SDK2: variants seen among roughly 807,000 people sequenced by gnomAD.
SDK2 encodes protein sidekick-2.
SDK2 carries 105 observed loss-of-function variants against 253.9 expected under a neutral mutation model. That is an observed-to-expected ratio of 0.41 (90% CI 0.35 to 0.49). SDK2 has a LOEUF of 0.49. Ranked by LOEUF, SDK2 falls within the 20% of genes least tolerant of loss-of-function variation. SDK2 has a pLI of 0.06. For synonymous variants in SDK2, 1,249 were observed against 1,234.9 expected, an observed-to-expected ratio of 1.01 and a Z score of -0.24; for missense variants, 2,608 against 3,003.0, an observed-to-expected ratio of 0.87 and a Z score of 3.07.
chr17:73,546,065 A>G (rs1599667048), intron 1 of SDK2, among the ~76,000 whole-genome samples: 1 of 137,782 alleles, frequency 7.3e-6, no homozygotes, highest in African/African-American at 2.8e-5. Context: ...GACACCAGAA[A>G]GGCTTTTCAG....
intron 1 of SDK2, among the ~76,000 whole-genome samples, chr17:73,571,070 G>GT (rs35554138): frequency 0.024 from 3,597 of 147,002 alleles, 55 homozygotes; most frequent in Middle Eastern, 0.066. Context: ...GGTGGCTCGG[G>GT]TTTTTTTTTT....
At chr17:73,463,798 T>C (rs2063579857) in intron 3 of SDK2, among the ~76,000 whole-genome samples, 1 of 152,214 alleles carries the variant, frequency 6.6e-6, no homozygotes, top group African/African-American at 2.4e-5. Context: ...TGGATCACGC[T>C]TCATTTGTTT....
chr17:73,474,404 C>G (rs947962967), intron 2 of SDK2, among the ~76,000 whole-genome samples: 1 of 152,210 alleles, frequency 6.6e-6, no homozygotes, highest in African/African-American at 2.4e-5. Flanking sequence ...CTTTCAGACT[C>G]CAAGCCTGGC....
chr17:73,472,342 T>G, intron 2 of SDK2, 124 bp from the exon 3 acceptor site: 1 of 648,270 alleles, frequency 1.5e-6, no homozygotes, highest in South Asian at 1.8e-5. Flanking sequence ...ACCAGGGAAC[T>G]CTTGACTCTC....
intron 36 of SDK2, chr17:73,369,126 G>C (rs1389224565): frequency 2.1e-6 from 1 of 470,836 alleles, no homozygotes; most frequent in Non-Finnish European, 4.4e-6. Flanking sequence ...TGGCCCCCAA[G>C]TGTCTGTGTT....
chr17:73,411,984 A>G (rs1251919988), intron 18 of SDK2, among the ~76,000 whole-genome samples: 1 of 12,702 alleles, frequency 7.9e-5, no homozygotes, highest in South Asian at 1.8e-3. Context: ...ATATATATCT[A>G]CGTATATATA....
chr17:73,590,872 C>T (rs932175441), intron 1 of SDK2, among the ~76,000 whole-genome samples: 1 of 152,182 alleles, frequency 6.6e-6, no homozygotes, highest in Admixed American at 6.5e-5. Context: ...TGTAGGAAGG[C>T]GGACATCTTA....
In SDK2 at chr17:73,348,772, C is replaced by T. The variant is rs139759419; in HGVS notation, c.6039-47G>A. 1.1e-4 allele frequency: 169 copies of T among 1,574,266 alleles called. No individual in the cohort carries two copies. The African/African-American group carries it at 1.4e-3, about 13-fold the overall frequency. On this transcript the variant is annotated intron_variant, in intron 43 of 44. Coordinates refer to ENST00000392650, the MANE Select transcript of SDK2 (RefSeq NM_001144952.2). ...GGCCGAGAGGTGCACTCACTCAGAG[C>T]GGCCTCCCCTGGCCTAGGGAGACCA...
In SDK2 at chr17:73,379,287, T is replaced by C. The variant is rs1378409068; in HGVS notation, c.4870A>G (p.Thr1624Ala). 1.3e-6 allele frequency: 2 copies of C among 1,509,464 alleles called. No individual in the cohort carries two copies. The highest frequency in any genetic ancestry group is 1.4e-5 in the African/African-American group (1 of 70,952). 93.5% of individuals were successfully genotyped at this position (1,509,464 alleles called of 1,614,324 possible). A position where few individuals can be genotyped will look rare whatever the true frequency, so the allele number is the denominator to read the frequency against. Reference sequence around the variant, plus strand: ...ACGACCACGTTACGAGGTGCTGCTGTGGGCACTGGAGGGCGTGCAGGGTAG... The same window carrying C: ...ACGACCACGTTACGAGGTGCTGCTGCGGGCACTGGAGGGCGTGCAGGGTAG... ...QEVFVGEAVP[T>A]AAPRNVVVHG... The change falls in exon 36 of 45, where the codon ACA (threonine) becomes GCA (alanine). Residue 1624 changes from threonine (T) to alanine (A), a missense_variant. Coordinates refer to ENST00000392650, the MANE Select transcript of SDK2 (RefSeq NM_001144952.2). The surrounding 1 kb of genome is among the most constrained non-coding windows in gnomAD (Gnocchi z 4.5).
chr17:73,638,760 A>C (rs892761612), intron 1 of SDK2, among the ~76,000 whole-genome samples: 10 of 151,876 alleles, frequency 6.6e-5, no homozygotes, highest in Non-Finnish European at 1.5e-4. Context: ...TGATCTGGAC[A>C]ATCTCATTTG....
intron 4 of SDK2, among the ~76,000 whole-genome samples, chr17:73,453,389 T>C (rs2063502430): frequency 6.6e-6 from 1 of 151,774 alleles, no homozygotes; most frequent in African/African-American, 2.4e-5. Context: ...TTTTTTCTTT[T>C]TTTTTGAGAT....
In SDK2 at chr17:73,425,198, C is replaced by T. The variant is rs145483594; in HGVS notation, c.1584-1106G>A. The stretch of plus-strand genomic sequence containing the variant: ...TGGTGCCACTGCACTCCAGCCTGGG[C>T]GACACAGCAAAACTCCATCTCAAAA... On this transcript the variant is annotated intron_variant, in intron 12 of 44. Transcript: ENST00000392650. 4.9e-3 allele frequency among the ~76,000 whole-genome samples: 750 copies of T among 151,920 alleles called. 3 individuals are homozygous for T. The highest frequency in any genetic ancestry group is 0.011 in the African/African-American group (449 of 41,430).
At chr17:73,563,262 T>G (rs2145854890) in intron 1 of SDK2, among the ~76,000 whole-genome samples, 1 of 152,308 alleles carries the variant, frequency 6.6e-6, no homozygotes, top group Middle Eastern at 3.4e-3. Flanking sequence ...CTCAAATATC[T>G]TAGGGAATTC....
At chr17:73,442,052 A>G (rs1322003033) in intron 5 of SDK2, among the ~76,000 whole-genome samples, 2 of 152,266 alleles carry the variant, frequency 1.3e-5, no homozygotes, top group African/African-American at 4.8e-5. Flanking sequence ...ATGAAATGAA[A>G]GAGTTAAGGA....
chr17:73,557,887 C>G (rs940232008), intron 1 of SDK2, among the ~76,000 whole-genome samples: 1 of 152,174 alleles, frequency 6.6e-6, no homozygotes, highest in Non-Finnish European at 1.5e-5. Context: ...GGTAGTGATA[C>G]GATGGGCACC....
Position 73,352,597 on chromosome 17 carries a change from C to T in SDK2, c.5634G>A (p.Lys1878=). ...TGCTGAACGTGTAGGAGCTCACCTC[C>T]TTGGGGATGTCTTTGATGAGGATGT... is the stretch of plus-strand genomic sequence containing the variant. ...LWDILIKDIP[K]EVSSYTFSMD... The change falls in exon 41 of 45, where the codon AAG becomes AAA. Residue 1878 remains lysine, a synonymous_variant. Transcript: ENST00000392650. This position sits in a 1 kb window ranked among gnomAD's most constrained non-coding sequence, Gnocchi z 4.1. The T allele has an allele frequency of 6.2e-7, 1 of 1,613,980 alleles. No individual in the cohort carries two copies. Among genetic ancestry groups the T allele is most frequent in the Non-Finnish European group, 8.5e-7 (1 of 1,179,864 alleles).
intron 1 of SDK2, among the ~76,000 whole-genome samples, chr17:73,589,176 TCTA>T (rs1293023415): frequency 6.6e-6 from 1 of 152,270 alleles, no homozygotes; most frequent in Non-Finnish European, 1.5e-5. Context: ...AGCCAATTAT[TCTA>T]CTGTGTGCTG....
intron 2 of SDK2, among the ~76,000 whole-genome samples, chr17:73,479,819 T>TA (rs369692189): frequency 1.2e-3 from 177 of 152,324 alleles, no homozygotes; most frequent in African/African-American, 4.1e-3. Flanking sequence ...GCCTCCCAAG[T>TA]AGCTGGGATT....
intron 22 of SDK2, 66 bp downstream of exon 22, chr17:73,399,102 A>C (rs1024836534): frequency 6.4e-7 from 1 of 1,558,620 alleles, no homozygotes; most frequent in African/African-American, 1.4e-5. Flanking sequence ...TACACATAAG[A>C]TTTTGCACTC....
Sources: gnomAD v4.1 joint callset for allele counts (sites outside exome capture counted in the v4.1 genomes callset) on GRCh38, gnomAD v4.1.1 for gene constraint, Gnocchi (gnomAD v3.1) non-coding constraint, MANE v1.5 for transcripts, NCBI Gene and HGNC (gene_info 2026-07-23, HGNC 2026-07-21) for gene names.